Variants in ZNF543 observed in about 807,000 individuals in gnomAD.
ZNF543 encodes zinc finger protein 543.
A neutral mutation model predicts 13.4 loss-of-function variants in ZNF543; 10 were observed. The observed-to-expected ratio is 0.75, with a 90% CI of 0.46 to 1.26. The LOEUF (loss-of-function observed/expected upper bound fraction) is 1.26, where lower values mean the gene tolerates loss of function less well. Among genes scored for constraint, ZNF543 ranks in the 50% most tolerant of loss-of-function variants. The pLI is 0.00. For synonymous variants in ZNF543, 272 were observed against 264.7 expected, an observed-to-expected ratio of 1.03 and a Z score of -0.27; for missense variants, 768 against 741.2, an observed-to-expected ratio of 1.04 and a Z score of -0.42.
chr19:57,328,588 T>C lies in ZNF543; in HGVS notation c.1126T>C (p.Phe376Leu). The C allele has an allele frequency of 6.2e-7, 1 of 1,611,982 alleles. No individual in the cohort carries two copies. Among genetic ancestry groups the C allele is most frequent in the Non-Finnish European group, 8.5e-7 (1 of 1,179,508 alleles). ...PFECNECGKA[F>L]CESADLIQHY... ...TGAATGCAACGAGTGTGGAAAAGCT[T>C]TTTGCGAGAGTGCAGACCTCATTCA... Residue 376 changes from phenylalanine (F) to leucine (L), a missense_variant, in exon 4 of 4, where the codon TTT (phenylalanine) becomes CTT (leucine). By Grantham distance (22) the Phe-to-Leu change is conservative (BLOSUM62 0). Around this residue, in one of 3 missense-constraint regions of ZNF543, gnomAD observed 677 missense variants for 631.4 expected, o/e 1.07. Coordinates refer to ENST00000321545, the MANE Select transcript of ZNF543 (RefSeq NM_213598.4).
intron 1 of ZNF543, 78 bp from the exon 2 acceptor site, chr19:57,323,604 T>C: frequency 1.3e-6 from 2 of 1,557,240 alleles, no homozygotes; most frequent in Non-Finnish European, 1.8e-6. Context: ...GCGCATCTTT[T>C]GCAGTGCTGA....
chr19:57,320,531 G>C lies in ZNF543; in HGVS notation c.-323G>C. On this transcript the variant is annotated 5_prime_UTR_variant, in exon 1 of 4. Transcript: ENST00000321545. ...CCTGGAACAGTGTGGGGCCTGGACC[G>C]CTGGGTAGGCGCGTCCAGCGGCCTG... 1 of 346,592 alleles carries C rather than the reference G, an allele frequency of 2.9e-6. No homozygotes were observed. The highest frequency in any genetic ancestry group is 5.4e-6 in the Non-Finnish European group (1 of 185,914). The allele number at this position is 346,592 out of a possible 1,614,324, so 21.5% of individuals were successfully genotyped here. A position where few individuals can be genotyped will look rare whatever the true frequency, so the allele number is the denominator to read the frequency against.
In ZNF543 at chr19:57,326,666, A is replaced by G. The variant is rs372695665; in HGVS notation, c.179A>G (p.Gln60Arg). 9 of 1,614,000 alleles carry G rather than the reference A, an allele frequency of 5.6e-6. No homozygotes were observed. The highest frequency in any genetic ancestry group is 7.6e-6 in the Non-Finnish European group (9 of 1,179,980). ...CPLFKPELIY[Q>R]LDHRQELWMA... ...TTGTTCAAACCAGAGCTGATCTACC[A>G]GTTGGATCACAGACAGGAGCTATGG... Residue 60 changes from glutamine (Q) to arginine (R), a missense_variant, in exon 3 of 4, where the codon CAG becomes CGG. By Grantham distance (43) the Gln-to-Arg change is conservative. Transcript: ENST00000321545.
At position 57,324,929 on chromosome 19, in the gene ZNF543, A is replaced by C. The variant is rs187963824; in HGVS notation, c.145+1121A>C. ...GACTAAATTTAATTGAGTGTTTATA[A>C]AATACAATGCATTTAAATTGCTTGG... On this transcript the variant is annotated intron_variant, in intron 2 of 3. Transcript: ENST00000321545. Among the ~76,000 whole-genome samples the C allele has an allele frequency of 1.2e-3, 181 of 152,356 alleles. 1 individual carries two copies. The highest frequency in any genetic ancestry group is 4.2e-3 in the African/African-American group (175 of 41,574).
chr19:57,326,551 C>A, intron 2 of ZNF543, 82 bp from the exon 3 acceptor site: 2 of 1,030,306 alleles, frequency 1.9e-6, no homozygotes, highest in Non-Finnish European at 3.0e-6. Context: ...TGGTCTTCCC[C>A]ATCCTGCAGT....
Position 57,327,855 on chromosome 19 carries a change from A to G in ZNF543, c.393A>G (p.Gln131=), listed in dbSNP as rs528672494. The G allele has an allele frequency of 9.3e-6, 15 of 1,614,174 alleles. No individual in the cohort carries two copies. The South Asian group carries it at 1.4e-4, about 15-fold the overall frequency. Residue 131 remains glutamine (Q), a synonymous_variant, in exon 4 of 4, where the codon CAA becomes CAG. Coordinates refer to ENST00000321545, the MANE Select transcript of ZNF543 (RefSeq NM_213598.4). ...SKDQDGPSEM[Q]EVHLKIGIGP... is the part of the protein sequence containing the mutation. ...ATCAGGATGGGCCATCTGAAATGCA[A>G]GAAGTCCACTTGAAAATAGGGATAG... is the stretch of plus-strand genomic sequence containing the variant.
chr19:57,327,663 C>A, intron 3 of ZNF543, 41 bp from the exon 4 acceptor site: 1 of 1,545,782 alleles, frequency 6.5e-7, no homozygotes, highest in Non-Finnish European at 8.7e-7. Flanking sequence ...TTCTATAATG[C>A]CATCTCTAAT....
intron 3 of ZNF543, among the ~76,000 whole-genome samples, chr19:57,327,277 G>A (rs1275097750): frequency 6.6e-6 from 1 of 151,186 alleles, no homozygotes; most frequent in African/African-American, 2.4e-5. Flanking sequence ...CTCTGCCGAC[G>A]ATAGTATATG....
chr19:57,329,559 C>G lies in ZNF543; in HGVS notation c.*294C>G. On this transcript the variant is annotated 3_prime_UTR_variant, in exon 4 of 4. Coordinates refer to ENST00000321545, the MANE Select transcript of ZNF543 (RefSeq NM_213598.4). ...ACGGAGTCTCGCTCTGTCGCCCAGG[C>G]TGGAGTGCAGTGGCGGGATCTCGGC... 1 of 241,342 alleles carries G rather than the reference C, an allele frequency of 4.1e-6. No homozygotes were observed. The highest frequency in any genetic ancestry group is 5.1e-5 in the Admixed American group (1 of 19,616). The allele number at this position is 241,342 out of a possible 1,614,324, so 15.0% of individuals were successfully genotyped here.
chr19:57,324,243 C>T (rs2088107797), intron 2 of ZNF543, among the ~76,000 whole-genome samples: 2 of 151,118 alleles, frequency 1.3e-5, no homozygotes, highest in Non-Finnish European at 2.9e-5. Context: ...CCCAGCTACT[C>T]AGGAGGCTGA....
Position 57,329,241 on chromosome 19 carries a change from C to T in ZNF543, c.1779C>T (p.Ile593=). The T allele has an allele frequency of 6.2e-7, 1 of 1,608,096 alleles. No homozygotes were observed. Residue 593 remains isoleucine, a synonymous_variant, in exon 4 of 4, where the codon ATC becomes ATT. Coordinates refer to ENST00000321545, the MANE Select transcript of ZNF543 (RefSeq NM_213598.4). The part of the protein sequence containing the change: ...ELLLGKEFLN[I]TTEENLW ...TATTAGGGAAAGAGTTTTTGAATAT[C>T]ACCACTGAAGAAAATCTGTGGTGAA...
At chr19:57,323,218 G>A (rs1205743804) in intron 1 of ZNF543, among the ~76,000 whole-genome samples, 1 of 146,132 alleles carries the variant, frequency 6.8e-6, no homozygotes, top group Non-Finnish European at 1.5e-5. Context: ...TTTGAGACGA[G>A]TCTCGCTCTG....
At position 57,328,105 on chromosome 19, in the gene ZNF543, G is replaced by C. The variant is rs771783356; in HGVS notation, c.643G>C (p.Val215Leu). The change falls in exon 4 of 4, where the codon GTT (valine) becomes CTT (leucine). Residue 215 changes from valine to leucine, a missense_variant. By Grantham distance (32) the Val-to-Leu change is conservative. Coordinates refer to ENST00000321545, the MANE Select transcript of ZNF543 (RefSeq NM_213598.4). ...GKVFKKNALL[V>L]QHERIHTQVK... Reference sequence around the variant, plus strand: ...AGTGTTTAAAAAGAATGCCCTCCTTGTTCAGCATGAACGGATTCACACTCA... The same window carrying C: ...AGTGTTTAAAAAGAATGCCCTCCTTCTTCAGCATGAACGGATTCACACTCA... The C allele has an allele frequency of 6.2e-7, 1 of 1,614,236 alleles. No individual in the cohort carries two copies. Among genetic ancestry groups the C allele is most frequent in the South Asian group, 1.1e-5 (1 of 91,090 alleles).
In ZNF543 at chr19:57,328,500, G is replaced by A. The variant is rs1235279893; in HGVS notation, c.1038G>A (p.Lys346=). Residue 346 remains lysine, a synonymous_variant, in exon 4 of 4, where the codon AAG becomes AAA. Transcript: ENST00000321545. ...EKPYECIECG[K]AFNRRSYLTW... The stretch of plus-strand genomic sequence containing the variant: ...CCTATGAGTGCATTGAGTGTGGGAA[G>A]GCCTTCAACCGCCGGTCATACCTCA... The A allele has an allele frequency of 1.9e-6, 3 of 1,614,086 alleles. No individual in the cohort carries two copies. The highest frequency in any genetic ancestry group is 2.5e-6 in the Non-Finnish European group (3 of 1,180,052).
intron 1 of ZNF543, among the ~76,000 whole-genome samples, chr19:57,323,425 C>A (rs1019870709): frequency 6.6e-6 from 1 of 152,118 alleles, no homozygotes; most frequent in Non-Finnish European, 1.5e-5. Context: ...ATCTCCTGAC[C>A]TCGTGATCTG....
In ZNF543 at chr19:57,328,868, A is replaced by T; in HGVS notation, c.1406A>T (p.His469Leu). The change falls in exon 4 of 4, where the codon CAC becomes CTC. Residue 469 changes from histidine to leucine, a missense_variant. Coordinates refer to ENST00000321545, the MANE Select transcript of ZNF543 (RefSeq NM_213598.4). ...AFSDRADLIRHFSIHTGEKPY... is the reference protein window; with the variant it reads ...AFSDRADLIRLFSIHTGEKPY... The stretch of plus-strand genomic sequence containing the variant: ...AGTGATAGGGCAGACCTCATTCGCC[A>T]CTTCAGCATCCACACTGGAGAGAAA... 2.5e-6 allele frequency: 4 copies of T among 1,614,034 alleles called. No homozygotes were observed. The highest frequency in any genetic ancestry group is 3.4e-6 in the Non-Finnish European group (4 of 1,180,006).
At chr19:57,327,007 A>G (rs1373838930) in intron 3 of ZNF543, among the ~76,000 whole-genome samples, 2 of 150,926 alleles carry the variant, frequency 1.3e-5, no homozygotes, top group East Asian at 3.9e-4. Context: ...AGCTGAGACT[A>G]CAGGCATATG....
chr19:57,327,246 T>C (rs2088127162), intron 3 of ZNF543, among the ~76,000 whole-genome samples: 1 of 151,732 alleles, frequency 6.6e-6, no homozygotes, highest in Non-Finnish European at 1.5e-5. Flanking sequence ...CATGTATTTA[T>C]TTCTTACTCA....
Position 57,320,713 on chromosome 19 carries a change from C to A in ZNF543, c.-141C>A, listed in dbSNP as rs1408414106. On this transcript the variant is annotated 5_prime_UTR_variant, in exon 1 of 4. Transcript: ENST00000321545. ...CTCCTCAGCCCCGACGCTGCGCCCG[C>A]TTTGTGCGCATTTTTCTCTGGGGAA... 4 of 1,097,010 alleles carry A rather than the reference C, an allele frequency of 3.6e-6. No individual in the cohort carries two copies. Among genetic ancestry groups the A allele is most frequent in the Non-Finnish European group, 5.1e-6 (4 of 789,768 alleles). The allele number at this position is 1,097,010 out of a possible 1,614,324, so 68.0% of individuals were successfully genotyped here.
Sources: gnomAD v4.1 joint callset for allele counts (sites outside exome capture counted in the v4.1 genomes callset) on GRCh38, gnomAD v4.1.1 for gene constraint, gnomAD v4.1.1 regional missense constraint, MANE v1.5 for transcripts, NCBI Gene and HGNC (gene_info 2026-07-23, HGNC 2026-07-21) for gene names.